MTMR12: variants seen among roughly 807,000 people sequenced by gnomAD.
The protein encoded by MTMR12 is myotubularin related protein 12, also known as myotubularin-related protein 12.
Under a neutral mutation model 96.7 loss-of-function variants are expected in MTMR12, and 33 were observed. The ratio of observed to expected loss-of-function variants is 0.34; its 90% CI spans 0.26 to 0.46. The LOEUF (loss-of-function observed/expected upper bound fraction) is 0.46. Ranked by LOEUF, MTMR12 falls within the 20% of genes least tolerant of loss-of-function variation. The pLI is 1.00. For synonymous variants in MTMR12, 298 were observed against 327.2 expected, an observed-to-expected ratio of 0.91 and a Z score of 0.96; for missense variants, 721 against 896.1, an observed-to-expected ratio of 0.80 and a Z score of 2.49.
In MTMR12 at chr5:32,229,964, C is replaced by A. The variant is rs1003922343; in HGVS notation, c.2058G>T (p.Gln686His). 6.2e-7 allele frequency: 1 copy of A among 1,612,284 alleles called. No homozygotes were observed. The highest frequency in any genetic ancestry group is 8.5e-7 in the Non-Finnish European group (1 of 1,178,842). Reference protein sequence around the residue: ...EKIDERHHSQQAPQAEAPCLL... With the variant: ...EKIDERHHSQHAPQAEAPCLL... ...GGCAGGGGGCCTCAGCCTGGGGGGCCTGCTGGCTGTGGTGTCTCTCGTCGA... is the reference window on the plus strand; with the variant it reads ...GGCAGGGGGCCTCAGCCTGGGGGGCATGCTGGCTGTGGTGTCTCTCGTCGA... Residue 686 changes from glutamine (Q) to histidine (H), a missense_variant, in exon 16 of 16, where the codon CAG becomes CAT. Transcript: ENST00000382142.
At chr5:32,257,983 C>T (rs146549468) in intron 7 of MTMR12, among the ~76,000 whole-genome samples, 16 of 151,706 alleles carry the variant, frequency 1.1e-4, no homozygotes, top group East Asian at 5.8e-4. Flanking sequence ...AAAATTGAGC[C>T]GAGCATAGTG....
intron 13 of MTMR12, among the ~76,000 whole-genome samples, chr5:32,236,497 T>G (rs1177176558): frequency 6.6e-6 from 1 of 151,766 alleles, no homozygotes; most frequent in Non-Finnish European, 1.5e-5. Flanking sequence ...CAGTAAGCCA[T>G]GACTGTGCAA....
At chr5:32,306,483 C>A (rs1478371686) in intron 1 of MTMR12, among the ~76,000 whole-genome samples, 1 of 152,010 alleles carries the variant, frequency 6.6e-6, no homozygotes, top group Non-Finnish European at 1.5e-5. Context: ...AAGAAATGGC[C>A]TTAAATAAGA....
intron 8 of MTMR12, among the ~76,000 whole-genome samples, chr5:32,250,878 G>T (rs192819651): frequency 6.6e-6 from 1 of 152,098 alleles, no homozygotes; most frequent in East Asian, 1.9e-4. Context: ...GGTCAAAGAG[G>T]CTTCTCACAG....
At chr5:32,242,386 T>A (rs755009110) in intron 11 of MTMR12, among the ~76,000 whole-genome samples, 2 of 152,186 alleles carry the variant, frequency 1.3e-5, no homozygotes, top group Admixed American at 6.5e-5. Flanking sequence ...AGGTAATTTC[T>A]AAACTAGACA....
chr5:32,276,772 T>C (rs1750068544), intron 1 of MTMR12, 30 bp from the exon 2 acceptor site: 1 of 1,590,556 alleles, frequency 6.3e-7, no homozygotes, highest in Admixed American at 1.7e-5. Flanking sequence ...GATATTTTTC[T>C]TTGTTTAAGG....
At chr5:32,299,448 G>A (rs1751050662) in intron 1 of MTMR12, among the ~76,000 whole-genome samples, 1 of 152,214 alleles carries the variant, frequency 6.6e-6, no homozygotes, top group South Asian at 2.1e-4. Flanking sequence ...GGCTGTCACT[G>A]CTTTATGATT....
intron 1 of MTMR12, among the ~76,000 whole-genome samples, 182 bp from the exon 2 acceptor site, chr5:32,276,924 T>C (rs543669804): frequency 8.0e-6 from 1 of 125,690 alleles, no homozygotes; most frequent in East Asian, 2.7e-4. Context: ...TCTCACTCTG[T>C]TGCCAGGCTG....
chr5:32,274,741 G>A (rs1014637414), intron 2 of MTMR12, among the ~76,000 whole-genome samples: 2 of 152,164 alleles, frequency 1.3e-5, no homozygotes, highest in East Asian at 1.9e-4. Context: ...GGGAAAAAAC[G>A]TGTTTCCTCT....
chr5:32,237,089 A>C (rs1418358278), intron 13 of MTMR12, among the ~76,000 whole-genome samples: 1 of 152,230 alleles, frequency 6.6e-6, no homozygotes, highest in Non-Finnish European at 1.5e-5. Context: ...GAACCTGCCA[A>C]GCCCTTACGA....
chr5:32,262,460 G>C (rs1415346465), intron 7 of MTMR12, among the ~76,000 whole-genome samples: 3 of 151,958 alleles, frequency 2.0e-5, no homozygotes, highest in African/African-American at 7.3e-5. Context: ...AATTAGACAG[G>C]CATGGTGGTG....
chr5:32,287,035 T>C (rs1273520905), intron 1 of MTMR12, among the ~76,000 whole-genome samples: 2 of 152,122 alleles, frequency 1.3e-5, no homozygotes, highest in Non-Finnish European at 2.9e-5. Context: ...CAGGGTACAA[T>C]GGGAACACTT....
At chr5:32,240,291 C>G (rs950172421) in intron 12 of MTMR12, among the ~76,000 whole-genome samples, 18 of 151,688 alleles carry the variant, frequency 1.2e-4, no homozygotes, top group African/African-American at 4.4e-4. Context: ...CCCAGCTACT[C>G]AGGAGGCTGA....
chr5:32,294,811 C>T (rs573736093), intron 1 of MTMR12, among the ~76,000 whole-genome samples: 8 of 152,244 alleles, frequency 5.3e-5, no homozygotes, highest in African/African-American at 1.7e-4. Context: ...ATTCTTGATC[C>T]GGATAATATT....
At chr5:32,289,339 A>G (rs1750659778) in intron 1 of MTMR12, among the ~76,000 whole-genome samples, 1 of 152,204 alleles carries the variant, frequency 6.6e-6, no homozygotes, top group Non-Finnish European at 1.5e-5. Context: ...ACGGCCCCTC[A>G]ATCAATTTCC....
chr5:32,311,511 G>A (rs1298573367), intron 1 of MTMR12, among the ~76,000 whole-genome samples: 5 of 152,200 alleles, frequency 3.3e-5, no homozygotes, highest in African/African-American at 1.2e-4. Context: ...CAGCCCACGT[G>A]CTTCTGCATT....
chr5:32,230,921 C>T (rs1330380952), intron 15 of MTMR12, among the ~76,000 whole-genome samples: 2 of 152,172 alleles, frequency 1.3e-5, no homozygotes, highest in Non-Finnish European at 2.9e-5. Context: ...CTTTTAGATA[C>T]AGAAAACAGG....
rs1751620083 is a variant in MTMR12 at position 32,312,124 on chromosome 5, A to C, written c.81+634T>G. ...AACAAATTTCTTGACCTGAAGATTC[A>C]GAAGAGTAAGAAGTGGGTGGAAAGG... On this transcript the variant is annotated intron_variant, in intron 1 of 15. Transcript: ENST00000382142. This position sits in a 1 kb window ranked among gnomAD's most constrained non-coding sequence, Gnocchi z 5.0. Among the ~76,000 whole-genome samples the C allele has an allele frequency of 6.6e-6, 1 of 152,208 alleles. No homozygotes were observed. The highest frequency in any genetic ancestry group is 1.5e-5 in the Non-Finnish European group (1 of 68,032).
chr5:32,238,998 C>T lies in MTMR12; in HGVS notation c.1344+3G>A, dbSNP rs758803464. ...GGAAACAGTCTGCAGTGAGGGAACTCACCTCCTCTTTGTCGTTCTGGCGGA... is the reference window on the plus strand; with the variant it reads ...GGAAACAGTCTGCAGTGAGGGAACTTACCTCCTCTTTGTCGTTCTGGCGGA... On this transcript the variant is annotated splice_donor_region_variant and intron_variant, in intron 13 of 15. Transcript: ENST00000382142. 6.3e-7 allele frequency: 1 copy of T among 1,585,446 alleles called. No homozygotes were observed. Among genetic ancestry groups the T allele is most frequent in the Non-Finnish European group, 8.6e-7 (1 of 1,162,622 alleles).
Sources: gnomAD v4.1 joint callset for allele counts (sites outside exome capture counted in the v4.1 genomes callset) on GRCh38, gnomAD v4.1.1 for gene constraint, Gnocchi (gnomAD v3.1) non-coding constraint, MANE v1.5 for transcripts, NCBI Gene and HGNC (gene_info 2026-07-23, HGNC 2026-07-21) for gene names.